IGSF11: variants seen among roughly 807,000 people sequenced by gnomAD.
IGSF11 encodes the protein CXADR like 1.
IGSF11 carries 22 observed loss-of-function variants against 41.0 expected under a neutral mutation model. The observed-to-expected ratio is 0.54, with a 90% CI of 0.38 to 0.77. IGSF11 has a LOEUF of 0.77. Among genes scored for constraint, IGSF11 ranks in the 30% least tolerant of loss-of-function variants. The probability of loss-of-function intolerance (pLI) is 0.00; values close to 1 mark genes in which losing one functional copy is unlikely to be tolerated. For missense variants in IGSF11, 444 were observed against 530.8 expected (o/e 0.84, Z 1.61); for synonymous variants, 219 against 201.3 (o/e 1.09, Z -0.74).
At chr3:118,953,695 A>G (rs771421882) in intron 1 of IGSF11, among the ~76,000 whole-genome samples, 1 of 151,968 alleles carries the variant, frequency 6.6e-6, no homozygotes, top group African/African-American at 2.4e-5. Flanking sequence ...GGCCACTTGT[A>G]TGTCTTCTTT....
chr3:119,054,550 G>A (rs1010187931), intron 1 of IGSF11, among the ~76,000 whole-genome samples: 7 of 152,126 alleles, frequency 4.6e-5, no homozygotes, highest in Non-Finnish European at 8.8e-5. Context: ...GCATGGATCT[G>A]GTGAAAAGGG....
chr3:118,960,044 CAAAAAAAAA>C (rs199913346), intron 1 of IGSF11, among the ~76,000 whole-genome samples: 1 of 81,122 alleles, frequency 1.2e-5, no homozygotes, highest in African/African-American at 5.3e-5. Flanking sequence ...GACTCCGTCT[CAAAAAAAAA>C]AAAAAAAGAA....
intron 1 of IGSF11, among the ~76,000 whole-genome samples, chr3:119,030,214 T>G (rs1036117393): frequency 6.6e-6 from 1 of 152,242 alleles, no homozygotes; most frequent in Non-Finnish European, 1.5e-5. Flanking sequence ...AACTTTTTAT[T>G]GAATACACTT....
chr3:119,013,322 CA>C (rs1938343770), intron 1 of IGSF11: 1 of 152,246 alleles, frequency 6.6e-6, no homozygotes, highest in South Asian at 2.1e-4. Flanking sequence ...GTGGTTCTAT[CA>C]ACATATTCAT....
chr3:118,983,918 C>T (rs1159149215), intron 1 of IGSF11, among the ~76,000 whole-genome samples: 1 of 152,102 alleles, frequency 6.6e-6, no homozygotes, highest in Non-Finnish European at 1.5e-5. Context: ...AATCTTGGCA[C>T]ATTTCCTCTC....
intron 1 of IGSF11, among the ~76,000 whole-genome samples, chr3:119,114,557 C>A (rs187184917): frequency 6.6e-6 from 1 of 152,316 alleles, no homozygotes; most frequent in African/African-American, 2.4e-5. Context: ...CCAATAAGTT[C>A]CTCGTTTCCT....
chr3:119,070,008 A>G (rs894479882), intron 1 of IGSF11, among the ~76,000 whole-genome samples: 2 of 152,242 alleles, frequency 1.3e-5, no homozygotes, highest in Non-Finnish European at 2.9e-5. Flanking sequence ...ACTTTGCAGC[A>G]TCTCATTAAC....
Position 118,913,497 on chromosome 3 carries a change from T to C in IGSF11, c.581-7779A>G, listed in dbSNP as rs527996633. Among the ~76,000 whole-genome samples the C allele has an allele frequency of 1.1e-4, 17 of 152,102 alleles. No individual in the cohort carries two copies. In the South Asian group the frequency reaches 2.3e-3, roughly 20 times the overall value. Reference sequence around the variant, plus strand: ...AGAAACAAGAAAGGTGGGAAGAAAATGAAACATTTTCAAATTCTTGAGAAA... The same window carrying C: ...AGAAACAAGAAAGGTGGGAAGAAAACGAAACATTTTCAAATTCTTGAGAAA... On this transcript the variant is annotated intron_variant, in intron 4 of 6. Transcript: ENST00000393775.
chr3:119,096,478 C>T (rs557364421), intron 1 of IGSF11, among the ~76,000 whole-genome samples: 3 of 151,812 alleles, frequency 2.0e-5, no homozygotes, highest in Middle Eastern at 3.4e-3. Context: ...CCAGAAATGC[C>T]GAGGAATCTT....
At chr3:119,057,133 C>A (rs1941873340) in intron 1 of IGSF11, among the ~76,000 whole-genome samples, 1 of 152,092 alleles carries the variant, frequency 6.6e-6, no homozygotes, top group South Asian at 2.1e-4. Context: ...GGCAATTAGG[C>A]AGGAGAAGGA....
intron 4 of IGSF11, among the ~76,000 whole-genome samples, chr3:118,908,108 C>A (rs1939837756): frequency 6.6e-6 from 1 of 152,088 alleles, no homozygotes; most frequent in Non-Finnish European, 1.5e-5. Context: ...TTGATGAGCT[C>A]ACACCAAACT....
At chr3:118,933,465 A>AT (rs374086198) in intron 1 of IGSF11, among the ~76,000 whole-genome samples, 76 of 98,128 alleles carry the variant, frequency 7.7e-4, no homozygotes, top group Middle Eastern at 5.6e-3. Context: ...TATAACATGT[A>AT]TTTTTTATAT....
At chr3:118,969,173 G>A (rs192337778) in intron 1 of IGSF11, among the ~76,000 whole-genome samples, 51 of 152,106 alleles carry the variant, frequency 3.4e-4, no homozygotes, top group African/African-American at 1.2e-3. Flanking sequence ...AAAGCACTAT[G>A]CAAGTGCCAA....
intron 1 of IGSF11, among the ~76,000 whole-genome samples, chr3:119,085,166 C>T (rs2076650594): frequency 6.6e-6 from 1 of 152,238 alleles, no homozygotes. Flanking sequence ...CTCTCCCCCT[C>T]ATACCATAGA....
rs750196604 is a variant in IGSF11, at chr3:118,905,681, A to G, written c.618T>C (p.Ser206=). 18 of 1,613,912 alleles carry G rather than the reference A, an allele frequency of 1.1e-5. No homozygotes were observed. In the South Asian group the frequency reaches 2.0e-4, roughly 18 times the overall value. Residue 206 remains serine, a synonymous_variant, in exon 5 of 7, where the codon AGT becomes AGC. Coordinates refer to ENST00000393775, the MANE Select transcript of IGSF11 (RefSeq NM_001015887.3). The part of the protein sequence containing the change: ...VQGTVTIRNI[S]ALSSGLYQCV... ...ACTGGTACAAACCTGAAGACAGGGC[A>G]CTGATGTTCCGGATGGTGACTGTTC...
chr3:119,072,187 G>C (rs1251739964), intron 1 of IGSF11, among the ~76,000 whole-genome samples: 1 of 152,172 alleles, frequency 6.6e-6, no homozygotes, highest in African/African-American at 2.4e-5. Context: ...TAGCTTGAGT[G>C]GGTTTCTCTT....
At chr3:119,055,858 C>A (rs914942690) in intron 1 of IGSF11, among the ~76,000 whole-genome samples, 2 of 152,152 alleles carry the variant, frequency 1.3e-5, no homozygotes, top group Non-Finnish European at 2.9e-5. Flanking sequence ...GAACAACCTG[C>A]TCCTGAATGA....
At chr3:119,088,639 A>G (rs993003278) in intron 1 of IGSF11, among the ~76,000 whole-genome samples, 7 of 152,198 alleles carry the variant, frequency 4.6e-5, no homozygotes, top group Admixed American at 1.3e-4. Context: ...AAATCCATAC[A>G]AAAGATCAAT....
chr3:119,083,681 T>G (rs933964057), intron 1 of IGSF11, among the ~76,000 whole-genome samples: 3 of 152,206 alleles, frequency 2.0e-5, no homozygotes, highest in African/African-American at 4.8e-5. Context: ...AACATCTTAG[T>G]GGAACACATT....
Sources: gnomAD v4.1 joint callset for allele counts (sites outside exome capture counted in the v4.1 genomes callset) on GRCh38, gnomAD v4.1.1 for gene constraint, MANE v1.5 for transcripts, NCBI Gene and HGNC (gene_info 2026-07-23, HGNC 2026-07-21) for gene names.